RESF1: variants seen among roughly 807,000 people sequenced by gnomAD.
RESF1 encodes the protein gonad expressed transcript.
A neutral mutation model predicts 134.7 loss-of-function variants in RESF1; 65 were observed. That is an observed-to-expected ratio of 0.48 (90% CI 0.40 to 0.59). The LOEUF is 0.59. Ranked by LOEUF, RESF1 falls within the 20% of genes least tolerant of loss-of-function variation. The pLI, the probability that RESF1 is intolerant of heterozygous loss-of-function variation, is 0.00. For synonymous variants in RESF1, 762 were observed against 702.2 expected (o/e 1.09, Z -1.35); for missense variants, 2,274 against 2,002.7 (o/e 1.14, Z -2.59).
chr12:31,968,793 A>G (rs1402385042), intron 2 of RESF1, among the ~76,000 whole-genome samples: 3 of 152,186 alleles, frequency 2.0e-5, no homozygotes, highest in Admixed American at 2.0e-4. Context: ...TTGTTTATTC[A>G]GCAAATACTG....
chr12:31,969,229 ACCACACCTGGCCAGTG>A (rs539799259), intron 2 of RESF1, among the ~76,000 whole-genome samples: 343 of 152,324 alleles, frequency 2.3e-3, no homozygotes, highest in African/African-American at 7.8e-3. Context: ...GGTGTGAGCC[ACCACACCTGGCCAGTG>A]GTAACCCCTG....
At position 31,983,785 on chromosome 12, in the gene RESF1, G is replaced by C; in HGVS notation, c.2830G>C (p.Asp944His). The C allele has an allele frequency of 1.2e-6, 2 of 1,613,150 alleles. No homozygotes were observed. The highest frequency in any genetic ancestry group is 1.7e-6 in the Non-Finnish European group (2 of 1,179,914). Residue 944 changes from aspartate to histidine, a missense_variant, in exon 4 of 6, where the codon GAT becomes CAT. Coordinates refer to ENST00000312561, the MANE Select transcript of RESF1 (RefSeq NM_018169.4). ...IGSREPEKQL[D>H]NTTENKDFGF... ...CAGCAGAGAACCAGAAAAACAATTA[G>C]ATAATACCACTGAAAATAAAGACTT...
At chr12:31,972,605 C>CA (rs71064904) in intron 3 of RESF1, among the ~76,000 whole-genome samples, 22,314 of 108,868 alleles carry the variant, frequency 0.2, 2,223 homozygotes, top group African/African-American at 0.3. Flanking sequence ...GACTCCGTCT[C>CA]AAAAAAAAAA....
In RESF1 at chr12:31,981,855, C is replaced by T. The variant is rs974420968; in HGVS notation, c.900C>T (p.His300=). 2 of 1,614,104 alleles carry T rather than the reference C, an allele frequency of 1.2e-6. No homozygotes were observed. Among genetic ancestry groups the T allele is most frequent in the South Asian group, 1.1e-5 (1 of 91,084 alleles). Residue 300 remains histidine, a synonymous_variant, in exon 4 of 6, where the codon CAC becomes CAT. Coordinates refer to ENST00000312561, the MANE Select transcript of RESF1 (RefSeq NM_018169.4). The part of the protein sequence containing the change: ...PLQSTQHITK[H]LSMEVPQSRE... ...AAAGTACTCAGCATATTACTAAACA[C>T]TTGTCTATGGAAGTTCCTCAGAGTC... is the stretch of plus-strand genomic sequence containing the variant.
Position 31,983,181 on chromosome 12 carries a change from G to A in RESF1, c.2226G>A (p.Met742Ile), listed in dbSNP as rs1729937349. ...AGCAGACAGCTTTGTCGATGGTAAT[G>A]CACAATTATGAGTCTTCAGGTATAA... ...PSQQTALSMV[M>I]HNYESSGINI... The change falls in exon 4 of 6, where the codon ATG becomes ATA. Residue 742 changes from methionine (M) to isoleucine (I), a missense_variant. Physicochemically the swap from Met to Ile is conservative, Grantham distance 10. Transcript: ENST00000312561. 1 of 1,611,120 alleles carries A rather than the reference G, an allele frequency of 6.2e-7. No homozygotes were observed. The highest frequency in any genetic ancestry group is 1.3e-5 in the African/African-American group (1 of 74,710).
intron 2 of RESF1, among the ~76,000 whole-genome samples, chr12:31,969,374 T>A (rs1199381341): frequency 1.3e-5 from 2 of 152,292 alleles, no homozygotes; most frequent in East Asian, 1.9e-4. Flanking sequence ...CACGGTGGCA[T>A]TCACCTGTAG....
chr12:31,980,481 G>C (rs908327252), intron 3 of RESF1, among the ~76,000 whole-genome samples: 2 of 152,134 alleles, frequency 1.3e-5, no homozygotes, highest in African/African-American at 4.8e-5. Context: ...CTTTGCGAAT[G>C]AACAATGAGA....
chr12:31,992,759 T>A lies in RESF1; in HGVS notation c.*224T>A, dbSNP rs553660884. The stretch of plus-strand genomic sequence containing the variant: ...TCACCGGGGAAACAAGGTATTTGAA[T>A]TTCTACTTTATTGAACCAGATTTAC... On this transcript the variant is annotated 3_prime_UTR_variant, in exon 6 of 6. Transcript: ENST00000312561. The A allele has an allele frequency of 1.9e-6, 1 of 516,222 alleles. No individual in the cohort carries two copies. The highest frequency in any genetic ancestry group is 1.9e-5 in the African/African-American group (1 of 52,060). 32.0% of individuals were successfully genotyped at this position (516,222 alleles called of 1,614,324 possible). A position where few individuals can be genotyped will look rare whatever the true frequency, so the allele number is the denominator to read the frequency against.
rs781711761 is a variant in RESF1, at chr12:31,985,975, T to C, written c.5002+18T>C. ...TCTGCAAGGTCCAGTATGATTTTCT[T>C]GGTGGTGTCTACAATATTGTAAAGA... On this transcript the variant is annotated intron_variant, in intron 4 of 5. Coordinates refer to ENST00000312561, the MANE Select transcript of RESF1 (RefSeq NM_018169.4). The C allele has an allele frequency of 6.9e-7, 1 of 1,451,196 alleles. No homozygotes were observed. The allele number at this position is 1,451,196 out of a possible 1,614,324, so 89.9% of individuals were successfully genotyped here.
At chr12:31,971,931 G>A (rs1387742238) in intron 3 of RESF1, among the ~76,000 whole-genome samples, 1 of 152,188 alleles carries the variant, frequency 6.6e-6, no homozygotes, top group African/African-American at 2.4e-5. Context: ...GGTTGAGAGG[G>A]AGGGGGTGAG....
At chr12:31,966,523 G>C (rs1939399856) in intron 2 of RESF1, among the ~76,000 whole-genome samples, 1 of 152,216 alleles carries the variant, frequency 6.6e-6, no homozygotes, top group South Asian at 2.1e-4. Flanking sequence ...GCATTGGTCT[G>C]AACTTCCTGC....
At position 31,982,514 on chromosome 12, in the gene RESF1, A is replaced by G; in HGVS notation, c.1559A>G (p.His520Arg). The G allele has an allele frequency of 6.2e-7, 1 of 1,612,780 alleles. No individual in the cohort carries two copies. Among genetic ancestry groups the G allele is most frequent in the Non-Finnish European group, 8.5e-7 (1 of 1,179,178 alleles). ...AAGCGGCCAATGCCAGACTCATCTCATGATGTGAAAGTTCTCACTTCAAAG... is the reference window on the plus strand; with the variant it reads ...AAGCGGCCAATGCCAGACTCATCTCGTGATGTGAAAGTTCTCACTTCAAAG... ...SEKRPMPDSSHDVKVLTSKTS... is the reference protein window; with the variant it reads ...SEKRPMPDSSRDVKVLTSKTS... The change falls in exon 4 of 6, where the codon CAT (histidine) becomes CGT (arginine). Residue 520 changes from histidine (H) to arginine (R), a missense_variant. Physicochemically the swap from His to Arg is conservative, Grantham distance 29. Transcript: ENST00000312561.
intron 2 of RESF1, among the ~76,000 whole-genome samples, chr12:31,965,477 C>T (rs527722246): frequency 1.3e-5 from 2 of 152,286 alleles, no homozygotes; most frequent in South Asian, 4.1e-4. Flanking sequence ...TGCCCCCGCT[C>T]CCACCCTGTG....
Position 31,985,190 on chromosome 12 carries a change from CA to C in RESF1, c.4238del (p.Asn1413ThrfsTer19). On this transcript the variant is annotated frameshift_variant, in exon 4 of 6. Transcript: ENST00000312561. LOFTEE classifies it high-confidence loss of function. ...ACATTCAAATTAGGTGACTCTTTGT[CA>C]AACCCAAACGAAAGAGCCATTGTTA... ...GATFKLGDSL[S>X]NPNERAIVKE... 1.9e-6 allele frequency: 3 copies of C among 1,571,686 alleles called. No homozygotes were observed. Among genetic ancestry groups the C allele is most frequent in the Non-Finnish European group, 2.6e-6 (3 of 1,166,148 alleles).
rs1939804905 is a variant in RESF1, at chr12:31,981,928, C to G, written c.973C>G (p.Gln325Glu). 1.2e-6 allele frequency: 2 copies of G among 1,614,170 alleles called. No individual in the cohort carries two copies. Among genetic ancestry groups the G allele is most frequent in the African/African-American group, 2.7e-5 (2 of 75,046 alleles). The change falls in exon 4 of 6, where the codon CAA (glutamine) becomes GAA (glutamate). Residue 325 changes from glutamine to glutamate, a missense_variant. Physicochemically the swap from Gln to Glu is conservative, Grantham distance 29. Coordinates refer to ENST00000312561, the MANE Select transcript of RESF1 (RefSeq NM_018169.4). Reference sequence around the variant, plus strand: ...AAGGACCAGCTTTCAACAGCAGTGGCAAAACCCTAATGAAAATGTCAGCAC... The same window carrying G: ...AAGGACCAGCTTTCAACAGCAGTGGGAAAACCCTAATGAAAATGTCAGCAC... Reference protein sequence around the residue: ...EIRTSFQQQWQNPNENVSTIG... With the variant: ...EIRTSFQQQWENPNENVSTIG...
chr12:31,979,038 A>G (rs1436820371), intron 3 of RESF1, among the ~76,000 whole-genome samples: 1 of 149,966 alleles, frequency 6.7e-6, no homozygotes, highest in Non-Finnish European at 1.5e-5. Context: ...CTCCTGCCTC[A>G]GCCTTCTGAG....
At chr12:31,978,351 C>T (rs1939684584) in intron 3 of RESF1, among the ~76,000 whole-genome samples, 1 of 152,016 alleles carries the variant, frequency 6.6e-6, no homozygotes, top group Non-Finnish European at 1.5e-5. Context: ...ATCTGATACT[C>T]AGTTTTGTGT....
At chr12:31,973,924 T>C (rs1416170152) in intron 3 of RESF1, among the ~76,000 whole-genome samples, 1 of 152,152 alleles carries the variant, frequency 6.6e-6, no homozygotes, top group Non-Finnish European at 1.5e-5. Flanking sequence ...AAGCTTCAGA[T>C]CCCACAGGTT....
chr12:31,985,567 GA>G lies in RESF1; in HGVS notation c.4617del (p.Val1540LeufsTer16), dbSNP rs768175064. On this transcript the variant is annotated frameshift_variant, in exon 4 of 6. Transcript: ENST00000312561. LOFTEE classifies it high-confidence loss of function. Reference protein sequence around the residue: ...KTYNILRNVKEKVGGKQPDKI... With the variant: ...KTYNILRNVKXKVGGKQPDKI... Reference sequence around the variant, plus strand: ...ATACAACATTCTAAGGAATGTTAAAGAAAAAGTTGGTGGGAAGCAGCCTGAT... The same window carrying G: ...ATACAACATTCTAAGGAATGTTAAAGAAAAGTTGGTGGGAAGCAGCCTGAT... 2 of 1,597,852 alleles carry G rather than the reference GA, an allele frequency of 1.3e-6. No individual in the cohort carries two copies. The highest frequency in any genetic ancestry group is 8.5e-7 in the Non-Finnish European group (1 of 1,175,338).
Sources: allele counts gnomAD v4.1 joint callset (sites outside exome capture counted in the v4.1 genomes callset), GRCh38; gene constraint gnomAD v4.1.1; transcripts MANE v1.5; gene names NCBI Gene and HGNC (gene_info 2026-07-23, HGNC 2026-07-21).